The following SKAP1 variants were observed in gnomAD, a reference collection of about 807,000 sequenced individuals.
SKAP1 encodes src kinase associated phosphoprotein 1, also known as src kinase-associated phosphoprotein 1.
In SKAP1, 44 loss-of-function variants were observed where a neutral mutation model predicts 58.5. The ratio of observed to expected loss-of-function variants is 0.75; its 90% confidence interval spans 0.59 to 0.97. SKAP1 has a LOEUF of 0.97. Among genes scored for constraint, SKAP1 ranks in the 50% least tolerant of loss-of-function variants. SKAP1 has a pLI of 0.00. For missense variants in SKAP1, 390 were observed against 435.2 expected (o/e 0.90, Z 0.92); for synonymous variants, 127 against 149.7 (o/e 0.85, Z 1.11).
At chr17:48,321,724 C>G (rs1429676923) in intron 4 of SKAP1, among the ~76,000 whole-genome samples, 3 of 152,040 alleles carry the variant, frequency 2.0e-5, no homozygotes, top group Admixed American at 6.6e-5. Flanking sequence ...GTCCATCTCT[C>G]CATTGAAAGG....
intron 10 of SKAP1, among the ~76,000 whole-genome samples, chr17:48,170,086 C>A (rs988505269): frequency 6.6e-6 from 1 of 152,302 alleles, no homozygotes; most frequent in African/African-American, 2.4e-5. Context: ...TTATATTCAA[C>A]AAACCTGTTA....
intron 4 of SKAP1, among the ~76,000 whole-genome samples, chr17:48,218,333 A>G (rs981281923): frequency 2.0e-5 from 3 of 152,204 alleles, no homozygotes; most frequent in African/African-American, 7.2e-5. Flanking sequence ...CTTCTCATCC[A>G]TAAACACTGA....
intron 4 of SKAP1, among the ~76,000 whole-genome samples, chr17:48,322,568 C>T (rs757331155): frequency 3.3e-5 from 5 of 152,090 alleles, no homozygotes; most frequent in African/African-American, 4.8e-5. Context: ...TATCTATAGG[C>T]GGCAAGTCTA....
chr17:48,429,669 G>A (rs1213699706), intron 1 of SKAP1, among the ~76,000 whole-genome samples: 1 of 152,174 alleles, frequency 6.6e-6, no homozygotes, highest in Non-Finnish European at 1.5e-5. Context: ...TAAGCAGGAA[G>A]GTTTGGGGTC....
intron 4 of SKAP1, among the ~76,000 whole-genome samples, chr17:48,266,621 C>T (rs980692955): frequency 1.1e-4 from 17 of 151,650 alleles, no homozygotes; most frequent in South Asian, 4.2e-4. Flanking sequence ...CGCCATTCTC[C>T]TGCCTCAGCC....
At chr17:48,293,199 T>C (rs2065920622) in intron 4 of SKAP1, among the ~76,000 whole-genome samples, 1 of 152,204 alleles carries the variant, frequency 6.6e-6, no homozygotes, top group Non-Finnish European at 1.5e-5. Context: ...CTTCTTTATG[T>C]ATTGTATATG....
intron 1 of SKAP1, among the ~76,000 whole-genome samples, chr17:48,421,073 T>A (rs1056040621): frequency 6.6e-6 from 1 of 152,122 alleles, no homozygotes; most frequent in Non-Finnish European, 1.5e-5. Context: ...AGAATCACCC[T>A]GATCCTGAGG....
chr17:48,376,543 C>T (rs376818882), intron 2 of SKAP1, among the ~76,000 whole-genome samples: 1 of 152,266 alleles, frequency 6.6e-6, no homozygotes, highest in African/African-American at 2.4e-5. Context: ...ATATTATTCA[C>T]CTGAAGGCAA....
At chr17:48,214,605 TC>T (rs2064913974) in intron 4 of SKAP1, among the ~76,000 whole-genome samples, 1 of 141,000 alleles carries the variant, frequency 7.1e-6, no homozygotes, top group Admixed American at 7.8e-5. Context: ...AGCTGAACTT[TC>T]TCCAGTTCCT....
intron 11 of SKAP1, among the ~76,000 whole-genome samples, chr17:48,153,894 TAA>T (rs1259590946): frequency 6.3e-4 from 62 of 99,072 alleles, no homozygotes; most frequent in Admixed American, 1.2e-3. Flanking sequence ...GCCCTGAAAT[TAA>T]AAAAAAAAAA....
intron 10 of SKAP1, among the ~76,000 whole-genome samples, chr17:48,165,593 T>C (rs59934550): frequency 0.26 from 39,858 of 151,424 alleles, 6,323 homozygotes; most frequent in East Asian, 0.43. Flanking sequence ...AGAGACGGGG[T>C]TTCTCCATGT....
At chr17:48,418,213 C>T (rs1189702903) in intron 1 of SKAP1, among the ~76,000 whole-genome samples, 4 of 152,162 alleles carry the variant, frequency 2.6e-5, no homozygotes, top group African/African-American at 9.7e-5. Context: ...TCACTTGAGC[C>T]TGGAAGATTA....
At chr17:48,430,293 C>G (rs2067903042), upstream of SKAP1, 2 of 346,304 alleles carry the variant, frequency 5.8e-6, no homozygotes, top group East Asian at 1.1e-4. Flanking sequence ...GGAAGTGGCG[C>G]GGGCGGCAGG....
chr17:48,325,316 C>T (rs2066423079), intron 4 of SKAP1, among the ~76,000 whole-genome samples: 1 of 150,108 alleles, frequency 6.7e-6, no homozygotes, highest in Non-Finnish European at 1.5e-5. Context: ...GGCTTTCCCT[C>T]ATCTCCAGTT....
chr17:48,415,967 C>G (rs1285898040), intron 1 of SKAP1, among the ~76,000 whole-genome samples: 1 of 152,046 alleles, frequency 6.6e-6, no homozygotes, highest in Admixed American at 6.6e-5. Flanking sequence ...AAGGTGAGCC[C>G]CCATCAAAAT....
chr17:48,434,011 G>A (rs1048678477), upstream of SKAP1, among the ~76,000 whole-genome samples: 1 of 152,224 alleles, frequency 6.6e-6, no homozygotes, highest in African/African-American at 2.4e-5. Context: ...TGGCTGAAAT[G>A]GGTCTGGAGA....
chr17:48,339,967 G>C (rs2066626835), intron 4 of SKAP1, among the ~76,000 whole-genome samples: 1 of 152,074 alleles, frequency 6.6e-6, no homozygotes, highest in Admixed American at 6.5e-5. Flanking sequence ...TGGATCACGA[G>C]GTCGGGAGTT....
At chr17:48,198,252 G>A (rs1466086924) in intron 4 of SKAP1, among the ~76,000 whole-genome samples, 1 of 151,804 alleles carries the variant, frequency 6.6e-6, no homozygotes, top group Non-Finnish European at 1.5e-5. Context: ...TCAGGAGATC[G>A]AGACCATCTT....
At chr17:48,156,955 G>A (rs565841915) in intron 11 of SKAP1, among the ~76,000 whole-genome samples, 69 of 152,234 alleles carry the variant, frequency 4.5e-4, no homozygotes, top group African/African-American at 1.5e-3. Context: ...TGAACTCCTA[G>A]TATGTGCCCA....
Sources: allele counts gnomAD v4.1 joint callset (sites outside exome capture counted in the v4.1 genomes callset), GRCh38; gene constraint gnomAD v4.1.1; transcripts MANE v1.5; gene names NCBI Gene and HGNC (gene_info 2026-07-23, HGNC 2026-07-21).